Variants in RANBP17 observed in about 807,000 individuals in gnomAD.
The protein encoded by RANBP17 is ran-binding protein 17.
RANBP17 carries 158 observed loss-of-function variants against 141.2 expected under a neutral mutation model. That is an observed-to-expected ratio of 1.12 (90% confidence interval 0.98 to 1.28). The LOEUF (loss-of-function observed/expected upper bound fraction) is 1.28, where lower values mean the gene tolerates loss of function less well. Among genes scored for constraint, RANBP17 ranks in the 50% most tolerant of loss-of-function variants. RANBP17 has a pLI of 0.00. For synonymous variants in RANBP17, 430 were observed against 450.0 expected (o/e 0.96, Z 0.56); for missense variants, 1,438 against 1,290.7 (o/e 1.11, Z -1.75).
At chr5:171,246,678 A>G (rs940657631) in intron 24 of RANBP17, among the ~76,000 whole-genome samples, 2 of 152,238 alleles carry the variant, frequency 1.3e-5, no homozygotes, top group Non-Finnish European at 2.9e-5. Context: ...TATTTTCAAC[A>G]TGTGATCTTG....
chr5:170,964,628 A>G lies in RANBP17; in HGVS notation c.1575-3614A>G, dbSNP rs377267716. 4.3e-4 allele frequency among the ~76,000 whole-genome samples: 65 copies of G among 152,034 alleles called. 1 individual carries two copies. In the South Asian group the frequency reaches 0.013, roughly 29 times the overall value. On this transcript the variant is annotated intron_variant, in intron 13 of 27. Coordinates refer to ENST00000523189, the MANE Select transcript of RANBP17 (RefSeq NM_022897.5). ...TGTTCCCATTGTTCAATTCCCACCT[A>G]TGAGTGAGAACATGCAGTGTTTGGT...
chr5:171,110,968 G>A (rs997392110), intron 14 of RANBP17, among the ~76,000 whole-genome samples: 1 of 150,908 alleles, frequency 6.6e-6, no homozygotes, highest in African/African-American at 2.4e-5. Flanking sequence ...CCACTAACTC[G>A]TCATCTAGCA....
intron 13 of RANBP17, among the ~76,000 whole-genome samples, chr5:170,959,286 A>G (rs1453678284): frequency 1.3e-5 from 2 of 152,124 alleles, no homozygotes; most frequent in African/African-American, 2.4e-5. Flanking sequence ...TTCTGATCAG[A>G]TAATATTTCT....
intron 19 of RANBP17, among the ~76,000 whole-genome samples, chr5:171,201,833 G>A (rs1421178105): frequency 1.3e-5 from 2 of 152,160 alleles, no homozygotes; most frequent in South Asian, 2.1e-4. Context: ...TTTCTATCAC[G>A]ATGAATAAAT....
At chr5:171,196,312 T>G (rs1293899189) in intron 18 of RANBP17, among the ~76,000 whole-genome samples, 1 of 152,202 alleles carries the variant, frequency 6.6e-6, no homozygotes, top group Non-Finnish European at 1.5e-5. Context: ...CCCTGCACAT[T>G]TTGGTGGCTT....
At chr5:170,964,574 A>C (rs1776401062) in intron 13 of RANBP17, among the ~76,000 whole-genome samples, 1 of 151,928 alleles carries the variant, frequency 6.6e-6, no homozygotes, top group Non-Finnish European at 1.5e-5. Context: ...CAGTCCACAG[A>C]GTGTGATGTT....
At chr5:170,979,640 A>C (rs919564936) in intron 14 of RANBP17, among the ~76,000 whole-genome samples, 1 of 152,194 alleles carries the variant, frequency 6.6e-6, no homozygotes, top group Non-Finnish European at 1.5e-5. Context: ...TGCATAAGCT[A>C]TCTTAATTTG....
chr5:171,163,759 T>C (rs952353351), intron 14 of RANBP17, among the ~76,000 whole-genome samples: 1 of 152,108 alleles, frequency 6.6e-6, no homozygotes, highest in Non-Finnish European at 1.5e-5. Flanking sequence ...ATTTGGGGGA[T>C]CTTTTGTGGT....
At chr5:170,934,639 C>G (rs1773702366) in intron 12 of RANBP17, among the ~76,000 whole-genome samples, 1 of 152,222 alleles carries the variant, frequency 6.6e-6, no homozygotes, top group Non-Finnish European at 1.5e-5. Flanking sequence ...GGCCCCCACT[C>G]TCTTCTGGCT....
chr5:170,961,709 C>T (rs931743327), intron 13 of RANBP17, among the ~76,000 whole-genome samples: 1 of 152,064 alleles, frequency 6.6e-6, no homozygotes, highest in African/African-American at 2.4e-5. Flanking sequence ...AAATCTGAAA[C>T]ACTTCTGATC....
chr5:170,877,295 T>C (rs1029610673), intron 1 of RANBP17, among the ~76,000 whole-genome samples: 2 of 151,942 alleles, frequency 1.3e-5, no homozygotes, highest in Admixed American at 1.3e-4. Context: ...TGAGACAGGG[T>C]CTTGCTCTGT....
intron 14 of RANBP17, among the ~76,000 whole-genome samples, chr5:171,015,712 A>T (rs1278512552): frequency 6.6e-6 from 1 of 152,126 alleles, no homozygotes; most frequent in East Asian, 1.9e-4. Flanking sequence ...ACTTGGAAAC[A>T]GTGTGTTTCT....
rs370979312 is a variant in RANBP17 at position 171,265,819 on chromosome 5, T to C, written c.2915T>C (p.Met972Thr). The change falls in exon 25 of 28, where the codon ATG becomes ACG. Residue 972 changes from methionine (M) to threonine (T), a missense_variant. By Grantham distance (81) the Met-to-Thr change is moderately conservative (BLOSUM62 -1). Coordinates refer to ENST00000523189, the MANE Select transcript of RANBP17 (RefSeq NM_022897.5). ...GCTGGTCAGAGACTATTACATTTTA[T>C]GCAGCAAAACCCAGATGTCCTGCAG... ...TQAGQRLLHF[M>T]QQNPDVLQQM... The C allele has an allele frequency of 2.5e-5, 40 of 1,613,696 alleles. 1 individual carries two copies. Among genetic ancestry groups the C allele is most frequent in the East Asian group, 4.5e-5 (2 of 44,878 alleles).
chr5:171,073,251 A>G lies in RANBP17; in HGVS notation c.1711-96879A>G, dbSNP rs567551616. ...TCTAACTATATTATAAATGCATGACATATCTTAATGAAAGTGGTAGGGGGG... is the reference window on the plus strand; with the variant it reads ...TCTAACTATATTATAAATGCATGACGTATCTTAATGAAAGTGGTAGGGGGG... On this transcript the variant is annotated intron_variant, in intron 14 of 27. Transcript: ENST00000523189. 4.6e-5 allele frequency among the ~76,000 whole-genome samples: 7 copies of G among 152,288 alleles called. No individual in the cohort carries two copies. In the East Asian group the frequency reaches 9.6e-4, roughly 21 times the overall value.
intron 1 of RANBP17, among the ~76,000 whole-genome samples, chr5:170,875,550 A>C (rs1768107681): frequency 6.6e-6 from 1 of 152,094 alleles, no homozygotes; most frequent in Non-Finnish European, 1.5e-5. Context: ...TTATTTCAGC[A>C]AGGTAGTCTT....
chr5:171,270,061 C>G (rs530156137), intron 25 of RANBP17, among the ~76,000 whole-genome samples: 67 of 152,312 alleles, frequency 4.4e-4, no homozygotes, highest in African/African-American at 1.4e-3. Context: ...TCTCCTCAAG[C>G]TTCCGTAGTA....
intron 24 of RANBP17, among the ~76,000 whole-genome samples, chr5:171,247,877 C>T (rs375165661): frequency 6.6e-6 from 1 of 152,122 alleles, no homozygotes. Flanking sequence ...CAAACAAATA[C>T]ACATGCCAAA....
intron 24 of RANBP17, among the ~76,000 whole-genome samples, chr5:171,253,815 G>A (rs910940093): frequency 1.3e-5 from 2 of 152,140 alleles, no homozygotes; most frequent in African/African-American, 4.8e-5. Flanking sequence ...AAGATACCTT[G>A]AGAAAAACTG....
At chr5:171,053,878 CATATATATATATATAT>C (rs58623197) in intron 14 of RANBP17, among the ~76,000 whole-genome samples, 71 of 17,224 alleles carry the variant, frequency 4.1e-3, no homozygotes, top group East Asian at 0.034. Flanking sequence ...GTGTTTAGTT[CATATATATATATATAT>C]ATATATATAT....
Sources: gnomAD v4.1 joint callset for allele counts (sites outside exome capture counted in the v4.1 genomes callset) on GRCh38, gnomAD v4.1.1 for gene constraint, MANE v1.5 for transcripts, NCBI Gene and HGNC (gene_info 2026-07-23, HGNC 2026-07-21) for gene names.